The following VPS13A variants were observed in gnomAD, a reference collection of about 807,000 sequenced individuals.
VPS13A encodes vacuolar protein sorting 13 homolog A, also known as intermembrane lipid transfer protein VPS13A.
Under a neutral mutation model 390.9 loss-of-function variants are expected in VPS13A, and 264 were observed. That is an observed-to-expected ratio of 0.68 (90% CI 0.61 to 0.75). The LOEUF (loss-of-function observed/expected upper bound fraction) is 0.75. VPS13A is among the 30% of genes least tolerant of loss of function. The probability of loss-of-function intolerance (pLI) is 0.00; values close to 1 mark genes in which losing one functional copy is unlikely to be tolerated. For synonymous variants in VPS13A, 1,231 were observed against 1,227.1 expected, an observed-to-expected ratio of 1.00 and a Z score of -0.07; for missense variants, 3,409 against 3,733.9, an observed-to-expected ratio of 0.91 and a Z score of 2.27.
At position 77,315,497 on chromosome 9, in the gene VPS13A, A is replaced by G. The variant is rs544610339; in HGVS notation, c.4630+27A>G. 236 of 1,602,480 alleles carry G rather than the reference A, an allele frequency of 1.5e-4. 4 individuals carry two copies. The South Asian group carries it at 2.5e-3, about 17-fold the overall frequency. The stretch of plus-strand genomic sequence containing the variant: ...TTAGTTATTGGCTAAAATATTTAAT[A>G]TTTGTTTTATTGAAGTGCTACAACA... On this transcript the variant is annotated intron_variant, in intron 38 of 71. Coordinates refer to ENST00000360280, the MANE Select transcript of VPS13A (RefSeq NM_033305.3).
At chr9:77,403,191 G>A (rs758460403) in intron 68 of VPS13A, 45 bp from the exon 69 acceptor site, 8 of 1,428,106 alleles carry the variant, frequency 5.6e-6, no homozygotes, top group East Asian at 2.3e-5. Context: ...ATTACAGTAG[G>A]AAATACTATC....
intron 59 of VPS13A, among the ~76,000 whole-genome samples, chr9:77,363,112 AGTT>A (rs1226135086): frequency 6.6e-6 from 1 of 152,024 alleles, no homozygotes; most frequent in African/African-American, 2.4e-5. Flanking sequence ...CTTCTTCCCT[AGTT>A]GTTGTGTCTA....
chr9:77,361,969 T>C (rs1435994104), intron 59 of VPS13A, among the ~76,000 whole-genome samples: 2 of 152,178 alleles, frequency 1.3e-5, no homozygotes, highest in Non-Finnish European at 2.9e-5. Context: ...GCATATCTTA[T>C]GTGAAGAAAT....
rs370600334 is a variant in VPS13A at position 77,382,102 on chromosome 9, A to G, written c.9189+15A>G. Reference sequence around the variant, plus strand: ...AAATGTTACAGGTAAATTAAGAGCTATCTTATAAATTAAGATTAATTTAGT... The same window carrying G: ...AAATGTTACAGGTAAATTAAGAGCTGTCTTATAAATTAAGATTAATTTAGT... On this transcript the variant is annotated intron_variant, in intron 68 of 71. Coordinates refer to ENST00000360280, the MANE Select transcript of VPS13A (RefSeq NM_033305.3). 1.5e-5 allele frequency: 23 copies of G among 1,581,274 alleles called. No homozygotes were observed. Among genetic ancestry groups the G allele is most frequent in the African/African-American group, 6.7e-5 (5 of 74,276 alleles).
chr9:77,283,964 C>CTTTTTTTTTTTTTTTTTTTTTTT (rs779066797), intron 31 of VPS13A, among the ~76,000 whole-genome samples: 1 of 129,628 alleles, frequency 7.7e-6, no homozygotes, highest in Non-Finnish European at 1.7e-5. Context: ...ACCTTTTTCA[C>CTTTTTTTTTTTTTTTTTTTTTTT]TTTTTTTTTT....
At chr9:77,282,970 A>C (rs1001709770) in intron 29 of VPS13A, among the ~76,000 whole-genome samples, 12 of 152,104 alleles carry the variant, frequency 7.9e-5, no homozygotes, top group African/African-American at 2.9e-4. Context: ...AAAAAAAACA[A>C]AAAAGAGTAT....
At chr9:77,236,208 A>G (rs975682286) in intron 17 of VPS13A, among the ~76,000 whole-genome samples, 1 of 152,296 alleles carries the variant, frequency 6.6e-6, no homozygotes, top group South Asian at 2.1e-4. Context: ...TGAAGTTTTC[A>G]TATTGGCTGT....
chr9:77,384,578 C>A (rs1408552241), intron 68 of VPS13A: 1 of 1,611,354 alleles, frequency 6.2e-7, no homozygotes, highest in Non-Finnish European at 8.5e-7. Context: ...CTTTGCCATG[C>A]TTACAGAAAA....
chr9:77,177,853 G>T (rs534007140), intron 1 of VPS13A, 49 bp downstream of exon 1: 2 of 1,544,772 alleles, frequency 1.3e-6, no homozygotes, highest in African/African-American at 2.7e-5. Flanking sequence ...CTTCCCGGCC[G>T]TCTCGCTGCC....
At chr9:77,401,675 T>A (rs1250810091) in intron 68 of VPS13A, among the ~76,000 whole-genome samples, 1 of 152,212 alleles carries the variant, frequency 6.6e-6, no homozygotes, top group African/African-American at 2.4e-5. Flanking sequence ...CTTCTTCCTC[T>A]TAATATTTCT....
chr9:77,390,083 T>C, intron 68 of VPS13A: 1 of 985,450 alleles, frequency 1.0e-6, no homozygotes, highest in Non-Finnish European at 1.2e-6. Context: ...AAGGTCTTAC[T>C]ATAGCAGTCA....
chr9:77,306,091 CTAAG>C (rs1828722942), intron 34 of VPS13A, among the ~76,000 whole-genome samples: 2 of 151,946 alleles, frequency 1.3e-5, no homozygotes, highest in South Asian at 4.2e-4. Flanking sequence ...TAGTTACAAA[CTAAG>C]TGTCATGAAT....
intron 35 of VPS13A, among the ~76,000 whole-genome samples, chr9:77,313,032 A>G (rs1003256927): frequency 6.6e-6 from 1 of 152,170 alleles, no homozygotes; most frequent in African/African-American, 2.4e-5. Context: ...AAACAACTCA[A>G]ATGTTCATCA....
chr9:77,329,866 G>A (rs1329249244), intron 45 of VPS13A, among the ~76,000 whole-genome samples: 1 of 152,166 alleles, frequency 6.6e-6, no homozygotes, highest in African/African-American at 2.4e-5. Flanking sequence ...TACACAGCTA[G>A]TAATCAGCAC....
At chr9:77,377,210 T>TTTTTTG in intron 67 of VPS13A, among the ~76,000 whole-genome samples, 1 of 108,312 alleles carries the variant, frequency 9.2e-6, no homozygotes, top group Non-Finnish European at 1.9e-5. Flanking sequence ...GCTGTTTTTT[T>TTTTTTG]TTTTTTTTTT....
intron 46 of VPS13A, among the ~76,000 whole-genome samples, chr9:77,333,719 T>A (rs1830400717): frequency 6.6e-6 from 1 of 152,150 alleles, no homozygotes; most frequent in Admixed American, 6.5e-5. Flanking sequence ...AATTAACAAA[T>A]GGCTATCTTT....
chr9:77,239,360 A>G (rs1824334359), intron 19 of VPS13A, among the ~76,000 whole-genome samples: 2 of 151,916 alleles, frequency 1.3e-5, no homozygotes, highest in Non-Finnish European at 2.9e-5. Flanking sequence ...CGACAGAGCA[A>G]CACCCTGCCA....
intron 67 of VPS13A, among the ~76,000 whole-genome samples, chr9:77,373,126 A>T (rs1439404346): frequency 1.3e-5 from 2 of 152,052 alleles, no homozygotes; most frequent in African/African-American, 4.8e-5. Flanking sequence ...ACAGAATTGG[A>T]AAAAACTACT....
Position 77,295,866 on chromosome 9 carries a change from AT to A in VPS13A, c.3812+23del. 1 of 1,611,144 alleles carries A rather than the reference AT, an allele frequency of 6.2e-7. No individual in the cohort carries two copies. The highest frequency in any genetic ancestry group is 1.7e-5 in the Admixed American group (1 of 59,930). On this transcript the variant is annotated intron_variant, in intron 33 of 71. Transcript: ENST00000360280. Reference sequence around the variant, plus strand: ...ATACAGGTAAGCTTTTCACAAGTATATTTGTGTGGAATGCAATATTTTTCTA... The same window carrying A: ...ATACAGGTAAGCTTTTCACAAGTATATTGTGTGGAATGCAATATTTTTCTA...
Sources: gnomAD v4.1 joint callset for allele counts (sites outside exome capture counted in the v4.1 genomes callset) on GRCh38, gnomAD v4.1.1 for gene constraint, MANE v1.5 for transcripts, NCBI Gene and HGNC (gene_info 2026-07-23, HGNC 2026-07-21) for gene names.